PTPRT: variants seen among roughly 807,000 people sequenced by gnomAD.
The protein encoded by PTPRT is protein tyrosine phosphatase receptor type T.
In PTPRT, 56 loss-of-function variants were observed where a neutral mutation model predicts 176.8. That is an observed-to-expected ratio of 0.32 (90% CI 0.26 to 0.40). The LOEUF (loss-of-function observed/expected upper bound fraction) is 0.40, where lower values mean the gene tolerates loss of function less well. Among genes scored for constraint, PTPRT ranks in the 10% least tolerant of loss-of-function variants. The pLI, the probability that PTPRT is intolerant of heterozygous loss-of-function variation, is 1.00. For synonymous variants in PTPRT, 783 were observed against 739.0 expected (o/e 1.06, Z -0.96); for missense variants, 1,540 against 1,908.2 (o/e 0.81, Z 3.60).
intron 1 of PTPRT, among the ~76,000 whole-genome samples, chr20:43,053,605 T>C (rs1370971262): frequency 6.6e-6 from 1 of 152,200 alleles, no homozygotes; most frequent in Non-Finnish European, 1.5e-5. Context: ...TTCCTGCCTC[T>C]GTTTGTGCTC....
intron 9 of PTPRT, among the ~76,000 whole-genome samples, chr20:42,418,951 G>A (rs1461686928): frequency 6.6e-6 from 1 of 152,210 alleles, no homozygotes; most frequent in African/African-American, 2.4e-5. Flanking sequence ...AGCTCCCAGA[G>A]GAGAGAGATT....
At chr20:42,827,110 T>A in intron 2 of PTPRT, among the ~76,000 whole-genome samples, 1 of 152,106 alleles carries the variant, frequency 6.6e-6, no homozygotes, top group East Asian at 1.9e-4. Context: ...ACAATAATAG[T>A]GGGAGACTCC....
chr20:42,352,940 G>GT (rs2058307455), intron 9 of PTPRT, among the ~76,000 whole-genome samples: 1 of 151,254 alleles, frequency 6.6e-6, no homozygotes, highest in Non-Finnish European at 1.5e-5. Flanking sequence ...ATGAAAAGAA[G>GT]TAAAAAAAAA....
intron 7 of PTPRT, among the ~76,000 whole-genome samples, chr20:42,496,341 T>G (rs34321942): frequency 0.094 from 14,367 of 152,254 alleles, 863 homozygotes; most frequent in Non-Finnish European, 0.14. Flanking sequence ...TGTTTCTATG[T>G]GGTACCAATT....
Position 42,885,871 on chromosome 20 carries a change from A to G in PTPRT, c.150T>C (p.Asn50=). 1 of 1,611,042 alleles carries G rather than the reference A, an allele frequency of 6.2e-7. No individual in the cohort carries two copies. Among genetic ancestry groups the G allele is most frequent in the South Asian group, 1.1e-5 (1 of 91,026 alleles). ...TGTTAATCTGCTCCCAGGTGAACCCATTGGTCCCTAGAGCCACACTATAAC... is the reference window on the plus strand; with the variant it reads ...TGTTAATCTGCTCCCAGGTGAACCCGTTGGTCCCTAGAGCCACACTATAAC... ...NCGYSVALGT[N]GFTWEQINTW... Residue 50 remains asparagine, a synonymous_variant, in exon 2 of 31, where the codon AAT becomes AAC. Transcript: ENST00000373187.
intron 1 of PTPRT, among the ~76,000 whole-genome samples, chr20:43,083,317 A>AATGTGTATATATATATATAT (rs1182430339): frequency 5.0e-5 from 2 of 40,320 alleles, no homozygotes; most frequent in Non-Finnish European, 5.0e-5. Flanking sequence ...ACCCACTTCA[A>AATGTGTATATATATATATAT]ATGTATATAT....
At chr20:42,513,269 AC>A (rs2071993756) in intron 7 of PTPRT, among the ~76,000 whole-genome samples, 2 of 149,364 alleles carry the variant, frequency 1.3e-5, no homozygotes, top group African/African-American at 4.9e-5. Context: ...TGGGCCAATT[AC>A]CCCCCTAGCT....
Position 42,973,430 on chromosome 20 carries a change from C to T in PTPRT, c.89-87498G>A, listed in dbSNP as rs896352587. 3.3e-5 allele frequency among the ~76,000 whole-genome samples: 5 copies of T among 151,830 alleles called. No individual in the cohort carries two copies. The East Asian group carries it at 9.6e-4, about 29-fold the overall frequency. ...GCAATCTCCACCCCACTTCTTTATC[C>T]CATCCTCTCTCTCTCTCTGTGTGTG... On this transcript the variant is annotated intron_variant, in intron 1 of 30. Transcript: ENST00000373187.
At chr20:42,282,640 AT>A in intron 12 of PTPRT, 115 bp from the exon 13 acceptor site, 1 of 807,088 alleles carries the variant, frequency 1.2e-6, no homozygotes, top group Non-Finnish European at 1.9e-6. Context: ...TGTATTTTTA[AT>A]TATAATTTTA....
At chr20:42,091,310 T>C (rs1984593927) in intron 27 of PTPRT, among the ~76,000 whole-genome samples, 1 of 152,206 alleles carries the variant, frequency 6.6e-6, no homozygotes, top group African/African-American at 2.4e-5. Context: ...AGAGGTAGCC[T>C]CACGCATTAA....
chr20:42,172,009 C>T (rs1990098359), intron 16 of PTPRT, among the ~76,000 whole-genome samples: 1 of 151,966 alleles, frequency 6.6e-6, no homozygotes, highest in Non-Finnish European at 1.5e-5. Flanking sequence ...CAGAAAAATA[C>T]ACCTCTCAAG....
intron 20 of PTPRT, among the ~76,000 whole-genome samples, chr20:42,119,355 T>G (rs1987466120): frequency 6.6e-6 from 1 of 152,234 alleles, no homozygotes; most frequent in Non-Finnish European, 1.5e-5. Context: ...GTTGGGCATT[T>G]AAGATTTTTC....
chr20:42,492,049 A>T (rs547109708), intron 7 of PTPRT, among the ~76,000 whole-genome samples: 1 of 152,304 alleles, frequency 6.6e-6, no homozygotes, highest in African/African-American at 2.4e-5. Context: ...GTAGTATATC[A>T]TGCTATAGGT....
At chr20:42,631,328 G>C (rs1000409555) in intron 7 of PTPRT, among the ~76,000 whole-genome samples, 2 of 152,080 alleles carry the variant, frequency 1.3e-5, no homozygotes, top group Non-Finnish European at 2.9e-5. Context: ...TATGTAATTA[G>C]TTAAAAATGT....
chr20:43,162,396 G>A (rs1376849700), intron 1 of PTPRT, among the ~76,000 whole-genome samples: 1 of 152,122 alleles, frequency 6.6e-6, no homozygotes. Context: ...AGGCAGAGGT[G>A]GCCAAGCAAT....
intron 1 of PTPRT, among the ~76,000 whole-genome samples, chr20:43,065,783 C>T (rs1462684235): frequency 1.3e-5 from 2 of 152,146 alleles, no homozygotes; most frequent in Non-Finnish European, 1.5e-5. Context: ...GTGATGTTGC[C>T]TCATAGATTC....
At chr20:42,585,595 A>G (rs1329931539) in intron 7 of PTPRT, among the ~76,000 whole-genome samples, 1 of 152,122 alleles carries the variant, frequency 6.6e-6, no homozygotes, top group East Asian at 1.9e-4. Context: ...TTTTCTGAGG[A>G]TTTTACATAC....
intron 27 of PTPRT, among the ~76,000 whole-genome samples, chr20:42,093,974 G>A (rs1984922373): frequency 6.6e-6 from 1 of 152,234 alleles, no homozygotes; most frequent in South Asian, 2.1e-4. Flanking sequence ...GGGTACTTCT[G>A]AGCCTGATGT....
At chr20:42,577,180 AT>A (rs2145709559) in intron 7 of PTPRT, among the ~76,000 whole-genome samples, 1 of 152,360 alleles carries the variant, frequency 6.6e-6, no homozygotes, top group African/African-American at 2.4e-5. Context: ...AACAATCGCT[AT>A]AACAGAACAG....
Sources: gnomAD v4.1 joint callset for allele counts (sites outside exome capture counted in the v4.1 genomes callset) on GRCh38, gnomAD v4.1.1 for gene constraint, MANE v1.5 for transcripts, NCBI Gene and HGNC (gene_info 2026-07-23, HGNC 2026-07-21) for gene names.